Variants in CACNA1E observed in about 807,000 individuals in gnomAD.
CACNA1E encodes voltage-dependent R-type calcium channel subunit alpha-1E.
A neutral mutation model predicts 259.2 loss-of-function variants in CACNA1E; 40 were observed. The ratio of observed to expected loss-of-function variants is 0.15; its 90% CI spans 0.12 to 0.20. The LOEUF is 0.20. Among genes scored for constraint, CACNA1E ranks in the 10% least tolerant of loss-of-function variants. The probability of loss-of-function intolerance (pLI) is 1.00; values close to 1 mark genes in which losing one functional copy is unlikely to be tolerated. For missense variants in CACNA1E, 1,874 were observed against 3,040.1 expected (o/e 0.62, Z 9.02); for synonymous variants, 1,104 against 1,138.5 (o/e 0.97, Z 0.61).
At chr1:181,781,640 G>C in intron 39 of CACNA1E, 117 bp downstream of exon 39, 4 of 686,578 alleles carry the variant, frequency 5.8e-6, no homozygotes, top group Non-Finnish European at 1.1e-5. Flanking sequence ...GGGAACTAAG[G>C]AGGAAAGGCA....
chr1:181,327,390 G>A (rs1177334828), intron 1 of CACNA1E, among the ~76,000 whole-genome samples: 1 of 152,216 alleles, frequency 6.6e-6, no homozygotes, highest in African/African-American at 2.4e-5. Context: ...TACGGAGTGT[G>A]TATGTGGTAT....
intron 1 of CACNA1E, among the ~76,000 whole-genome samples, chr1:181,396,870 T>C (rs2102062776): frequency 6.6e-6 from 1 of 152,206 alleles, no homozygotes; most frequent in South Asian, 2.1e-4. Flanking sequence ...ATTGGGAAAA[T>C]TATTTCCATT....
chr1:181,795,218 A>C (rs2102894504), intron 46 of CACNA1E, among the ~76,000 whole-genome samples, 174 bp downstream of exon 46: 1 of 152,348 alleles, frequency 6.6e-6, no homozygotes. Context: ...ATCCTGAAAC[A>C]GGCCAAAGCC....
rs758610138 is a variant in CACNA1E, at chr1:181,666,707, AATATAT to A, written c.1055+15276_1055+15281del. On this transcript the variant is annotated intron_variant, in intron 7 of 47. Transcript: ENST00000367573. Reference sequence around the variant, plus strand: ...ATATAATATAGGAATACAGGAACCAAATATATATATATATACACACACACACACGAC... The same window carrying A: ...ATATAATATAGGAATACAGGAACCAAATATATATACACACACACACACGAC... 1.6e-3 allele frequency among the ~76,000 whole-genome samples: 238 copies of A among 148,206 alleles called. 1 individual carries two copies. Among genetic ancestry groups the A allele is most frequent in the Non-Finnish European group, 3.0e-3 (203 of 66,574 alleles).
chr1:181,670,513 G>A (rs73043421), intron 7 of CACNA1E, among the ~76,000 whole-genome samples: 2,790 of 152,212 alleles, frequency 0.018, 97 homozygotes, highest in African/African-American at 0.063. Flanking sequence ...CTGAGATGCC[G>A]TGTTCCACAG....
At chr1:181,428,664 A>G (rs963787677) in intron 2 of CACNA1E, among the ~76,000 whole-genome samples, 4 of 152,128 alleles carry the variant, frequency 2.6e-5, no homozygotes, top group Non-Finnish European at 5.9e-5. Context: ...GCTGCAGGAC[A>G]GTGACACTCA....
chr1:181,717,160 G>C lies in CACNA1E; in HGVS notation c.1383G>C (p.Lys461Asn). The C allele has an allele frequency of 4.3e-6, 7 of 1,614,060 alleles. No homozygotes were observed. The highest frequency in any genetic ancestry group is 5.9e-6 in the Non-Finnish European group (7 of 1,179,900). ...ACGGGGTCTCTTATTTCCGGCACAA[G>C]GAAAGGCTTCTGCGCATCTCCATTC... The part of the protein sequence containing the change: ...KVDGVSYFRH[K>N]ERLLRISIRH... Residue 461 changes from lysine (K) to asparagine (N), a missense_variant, in exon 11 of 48, where the codon AAG (lysine) becomes AAC (asparagine). By Grantham distance (94) the Lys-to-Asn change is moderately conservative. Transcript: ENST00000367573.
intron 1 of CACNA1E, among the ~76,000 whole-genome samples, chr1:181,385,203 C>G (rs1173080969): frequency 6.6e-6 from 1 of 152,224 alleles, no homozygotes; most frequent in African/African-American, 2.4e-5. Context: ...ACCTCCTACA[C>G]TGCCAGGGTG....
intron 45 of CACNA1E, 60 bp from the exon 46 acceptor site, chr1:181,794,804 T>A: frequency 4.7e-6 from 7 of 1,489,772 alleles, no homozygotes; most frequent in Non-Finnish European, 6.4e-6. Context: ...CTTCTGTCCT[T>A]TTAGATCTTT....
intron 7 of CACNA1E, among the ~76,000 whole-genome samples, chr1:181,695,961 ATAAAT>A (rs1230575905): frequency 3.9e-5 from 6 of 152,214 alleles, no homozygotes; most frequent in East Asian, 1.9e-4. Context: ...TCTCTAATAA[ATAAAT>A]TAATAAATAA....
intron 1 of CACNA1E, among the ~76,000 whole-genome samples, chr1:181,509,262 G>A (rs1665972170): frequency 6.6e-6 from 1 of 152,156 alleles, no homozygotes; most frequent in Admixed American, 6.5e-5. Flanking sequence ...TGCCCTGGGT[G>A]CTAACTTAAC....
chr1:181,337,128 T>C (rs540531091), intron 1 of CACNA1E, among the ~76,000 whole-genome samples: 16 of 151,804 alleles, frequency 1.1e-4, no homozygotes, highest in African/African-American at 3.6e-4. Context: ...ATAGTTCCTT[T>C]TTTGTGTGGT....
intron 44 of CACNA1E, 128 bp from the exon 45 acceptor site, chr1:181,793,537 A>G: frequency 1.0e-6 from 1 of 966,438 alleles, no homozygotes; most frequent in Non-Finnish European, 1.5e-6. Flanking sequence ...TATACATACA[A>G]CTGAGACCTT....
rs376475241 is a variant in CACNA1E, at chr1:181,736,373, C to T, written c.3361C>T (p.Arg1121Cys). Residue 1121 changes from arginine to cysteine, a missense_variant, in exon 22 of 48, where the codon CGT becomes TGT. Coordinates refer to ENST00000367573, the MANE Select transcript of CACNA1E (RefSeq NM_001205293.3). The stretch of plus-strand genomic sequence containing the variant: ...GAAGAAGAAGCAGAAGAAGGAGAAG[C>T]GTGAGACAGGCAAAGCCATGGTGCC... Reference protein sequence around the residue: ...VEKKKQKKEKRETGKAMVPHS... With the variant: ...VEKKKQKKEKCETGKAMVPHS... 99 of 1,611,738 alleles carry T rather than the reference C, an allele frequency of 6.1e-5. No individual in the cohort carries two copies. Among genetic ancestry groups the T allele is most frequent in the East Asian group, 2.5e-4 (11 of 44,824 alleles).
intron 2 of CACNA1E, among the ~76,000 whole-genome samples, chr1:181,417,397 G>A (rs1306667029): frequency 6.6e-6 from 1 of 152,172 alleles, no homozygotes; most frequent in Non-Finnish European, 1.5e-5. Context: ...TTGGTTTCTA[G>A]TGTACTTCAT....
Position 181,772,228 on chromosome 1 carries a change from C to T in CACNA1E, c.5136C>T (p.Phe1712=). The change falls in exon 37 of 48, where the codon TTC becomes TTT. Residue 1712 remains phenylalanine (F), a synonymous_variant. Coordinates refer to ENST00000367573, the MANE Select transcript of CACNA1E (RefSeq NM_001205293.3). Reference sequence around the variant, plus strand: ...TCTCCTTCATCTTCTTCTGCTCCTTCTTGGTGAGCAACATTGTGCTTTTGC... The same window carrying T: ...TCTCCTTCATCTTCTTCTGCTCCTTTTTGGTGAGCAACATTGTGCTTTTGC... The part of the protein sequence containing the change: ...YFVSFIFFCS[F]LMLNLFVAVI... The T allele has an allele frequency of 6.2e-7, 1 of 1,612,968 alleles. No individual in the cohort carries two copies. The highest frequency in any genetic ancestry group is 8.5e-7 in the Non-Finnish European group (1 of 1,179,284).
intron 6 of CACNA1E, among the ~76,000 whole-genome samples, chr1:181,587,896 A>C (rs1652245266): frequency 6.6e-6 from 1 of 152,212 alleles, no homozygotes; most frequent in African/African-American, 2.4e-5. Context: ...AAAAAAAGAA[A>C]GAAAGAAAGA....
intron 6 of CACNA1E, among the ~76,000 whole-genome samples, chr1:181,606,945 T>C (rs1396813720): frequency 6.6e-6 from 1 of 152,218 alleles, no homozygotes; most frequent in African/African-American, 2.4e-5. Flanking sequence ...ACAAAGTCAG[T>C]CCCTCTCAGA....
intron 3 of CACNA1E, among the ~76,000 whole-genome samples, chr1:181,565,874 C>T (rs1649771392): frequency 9.3e-6 from 1 of 106,956 alleles, no homozygotes; most frequent in African/African-American, 2.6e-5. Flanking sequence ...ACTGCTTGTT[C>T]CTGGTCCTGG....
Sources: gnomAD v4.1 joint callset for allele counts (sites outside exome capture counted in the v4.1 genomes callset) on GRCh38, gnomAD v4.1.1 for gene constraint, MANE v1.5 for transcripts, NCBI Gene and HGNC (gene_info 2026-07-23, HGNC 2026-07-21) for gene names.